The following EML6 variants were observed in gnomAD, a reference collection of about 807,000 sequenced individuals.
EML6 encodes the protein EMAP like 6.
Under a neutral mutation model 240.1 loss-of-function variants are expected in EML6, and 154 were observed. That is an observed-to-expected ratio of 0.64 (90% CI 0.56 to 0.73). The LOEUF (loss-of-function observed/expected upper bound fraction) is 0.73, where lower values mean the gene tolerates loss of function less well. Ranked by LOEUF, EML6 falls within the 30% of genes least tolerant of loss-of-function variation. The probability of loss-of-function intolerance (pLI) is 0.00; values close to 1 mark genes in which losing one functional copy is unlikely to be tolerated. For synonymous variants in EML6, 1,148 were observed against 899.0 expected, an observed-to-expected ratio of 1.28 and a Z score of -4.95; for missense variants, 2,964 against 2,474.6, an observed-to-expected ratio of 1.20 and a Z score of -4.20.
In EML6 at chr2:54,850,155, T is replaced by A; in HGVS notation, c.1381T>A (p.Leu461Met). The A allele has an allele frequency of 6.4e-7, 1 of 1,551,492 alleles. No individual in the cohort carries two copies. Among genetic ancestry groups the A allele is most frequent in the Non-Finnish European group, 8.7e-7 (1 of 1,146,716 alleles). The change falls in exon 10 of 42, where the codon TTG (leucine) becomes ATG (methionine). Residue 461 changes from leucine to methionine, a missense_variant. Leu to Met is a conservative substitution (Grantham distance 15). Coordinates refer to ENST00000356458, the MANE Select transcript of EML6 (RefSeq NM_001039753.4). ...LSFITHIDWS[L>M]DSKYLQTNDG... ...TTTCATCACGCATATTGACTGGTCC[T>A]TGGATAGTAAATACTTACAAACTAA...
intron 2 of EML6, among the ~76,000 whole-genome samples, chr2:54,801,424 G>A (rs527400294): frequency 6.6e-6 from 1 of 152,166 alleles, no homozygotes; most frequent in Admixed American, 6.5e-5. Flanking sequence ...TTGGCCTGAA[G>A]TGATGCTTAC....
intron 28 of EML6, among the ~76,000 whole-genome samples, chr2:54,941,367 C>T (rs1384040150): frequency 6.6e-6 from 1 of 152,094 alleles, no homozygotes; most frequent in Non-Finnish European, 1.5e-5. Flanking sequence ...TTCAAGCTCG[C>T]CTGAGGCATG....
In EML6 at chr2:54,816,794, C is replaced by T. The variant is rs1572944534; in HGVS notation, c.365C>T (p.Ala122Val). 2 of 1,550,342 alleles carry T rather than the reference C, an allele frequency of 1.3e-6. No homozygotes were observed. Among genetic ancestry groups the T allele is most frequent in the Admixed American group, 2.0e-5 (1 of 50,970 alleles). Reference protein sequence around the residue: ...LAFDSDGQRLASVGLDAKNTV... With the variant: ...LAFDSDGQRLVSVGLDAKNTV... The stretch of plus-strand genomic sequence containing the variant: ...TATTGTTCTTATTCTTAGCGTTTAG[C>T]CTCTGTGGGGTTGGATGCCAAAAAC... Residue 122 changes from alanine (A) to valine (V), a missense_variant, in exon 4 of 42, where the codon GCC becomes GTC. Coordinates refer to ENST00000356458, the MANE Select transcript of EML6 (RefSeq NM_001039753.4).
intron 2 of EML6, among the ~76,000 whole-genome samples, chr2:54,788,290 C>G (rs188058214): frequency 7.9e-5 from 12 of 152,132 alleles, no homozygotes; most frequent in African/African-American, 2.4e-4. Context: ...TAAGTAACAC[C>G]GGCTTCTGTT....
At chr2:54,856,516 A>G (rs1040140213) in intron 11 of EML6, among the ~76,000 whole-genome samples, 4 of 152,228 alleles carry the variant, frequency 2.6e-5, no homozygotes, top group Admixed American at 2.6e-4. Context: ...GCCACCTCCC[A>G]TGATGAGTGT....
intron 10 of EML6, 30 bp downstream of exon 10, chr2:54,850,248 T>C (rs1385172966): frequency 1.3e-6 from 2 of 1,540,276 alleles, no homozygotes; most frequent in Admixed American, 4.0e-5. Flanking sequence ...TGGATGTTTC[T>C]GGAAAGCAAA....
chr2:54,930,233 C>T (rs761099000), intron 28 of EML6, among the ~76,000 whole-genome samples: 17 of 152,166 alleles, frequency 1.1e-4, no homozygotes, highest in Non-Finnish European at 2.1e-4. Context: ...TCATGCTAGC[C>T]ACCAAAATAT....
chr2:54,807,901 A>C (rs1230894208), intron 2 of EML6, among the ~76,000 whole-genome samples: 2 of 152,160 alleles, frequency 1.3e-5, no homozygotes, highest in African/African-American at 4.8e-5. Flanking sequence ...CTTTTATACG[A>C]AGGTATTGCT....
At position 54,725,054 on chromosome 2, in the gene EML6, G is replaced by A; in HGVS notation, c.-8G>A. The A allele has an allele frequency of 6.6e-7, 1 of 1,505,128 alleles. No individual in the cohort carries two copies. Among genetic ancestry groups the A allele is most frequent in the Non-Finnish European group, 8.9e-7 (1 of 1,127,774 alleles). 93.2% of individuals were successfully genotyped at this position (1,505,128 alleles called of 1,614,324 possible). ...GGGGGGGCGGGGGGCGCGCGGGGTC[G>A]GCTTATCATGGCGGATCGGACGGCG... On this transcript the variant is annotated 5_prime_UTR_variant, in exon 2 of 42. Transcript: ENST00000356458. The surrounding 1 kb of genome is among the most constrained non-coding windows in gnomAD (Gnocchi z 4.3).
intron 7 of EML6, among the ~76,000 whole-genome samples, chr2:54,841,155 G>A (rs542997317): frequency 8.5e-5 from 13 of 152,382 alleles, no homozygotes; most frequent in Non-Finnish European, 1.6e-4. Flanking sequence ...CTCTGCAGCT[G>A]AGCTGCATGC....
chr2:54,902,934 AGTCACGT>A, intron 22 of EML6, 103 bp from the exon 23 acceptor site: 1 of 939,756 alleles, frequency 1.1e-6, no homozygotes, highest in Non-Finnish European at 1.6e-6. Flanking sequence ...ATTTAAAGGC[AGTCACGT>A]GTCCATACAT....
intron 2 of EML6, among the ~76,000 whole-genome samples, chr2:54,798,948 C>G (rs570961312): frequency 3.3e-5 from 5 of 152,076 alleles, no homozygotes; most frequent in African/African-American, 7.3e-5. Context: ...AATTTCCATT[C>G]TATTCTTAAT....
At chr2:54,891,363 G>C (rs1217082420) in intron 18 of EML6, among the ~76,000 whole-genome samples, 1 of 152,180 alleles carries the variant, frequency 6.6e-6, no homozygotes, top group African/African-American at 2.4e-5. Flanking sequence ...TACCTAGAAA[G>C]CTTTGGAAAA....
At chr2:54,967,352 C>T (rs1341384570) in intron 39 of EML6, 1 of 251,816 alleles carries the variant, frequency 4.0e-6, no homozygotes, top group African/African-American at 2.2e-5. Flanking sequence ...CCAACCCCTT[C>T]CAGCAAGTTC....
rs1277531210 is a variant in EML6 at position 54,899,679 on chromosome 2, C to T, written c.3021C>T (p.His1007=). ...MEGEVWGLAA[H]PLLPICATVS... ...GAGAAGTGTGGGGGTTGGCAGCTCA[C>T]CCTCTCCTGCCCATCTGTGCAACAG... Residue 1007 remains histidine (H), a synonymous_variant, in exon 22 of 42, where the codon CAC becomes CAT. Transcript: ENST00000356458. 3 of 1,553,698 alleles carry T rather than the reference C, an allele frequency of 1.9e-6. No individual in the cohort carries two copies. The highest frequency in any genetic ancestry group is 1.4e-5 in the African/African-American group (1 of 73,120).
intron 28 of EML6, among the ~76,000 whole-genome samples, chr2:54,947,315 C>T (rs774036357): frequency 5.3e-5 from 8 of 152,074 alleles, no homozygotes; most frequent in African/African-American, 9.7e-5. Context: ...CCCAGTCTCC[C>T]GATTTTGCTC....
rs544818252 is a variant in EML6, at chr2:54,731,956, G to A, written c.197+6698G>A. Among the ~76,000 whole-genome samples, 27 of 152,220 alleles carry A rather than the reference G, an allele frequency of 1.8e-4. No homozygotes were observed. The South Asian group carries it at 2.5e-3, about 14-fold the overall frequency. Reference sequence around the variant, plus strand: ...ATGAGAGATCCAATTCCTCCACATCGTCAAGATTTACTACTGTCTGTCTTT... The same window carrying A: ...ATGAGAGATCCAATTCCTCCACATCATCAAGATTTACTACTGTCTGTCTTT... On this transcript the variant is annotated intron_variant, in intron 2 of 41. Transcript: ENST00000356458.
Position 54,971,690 on chromosome 2 carries a change from G to A in EML6, c.*1595G>A, listed in dbSNP as rs978998359. ...TCCCAATTCTGTTTTCTGTAACCAT[G>A]TGACTGGTGATGCAGAGTGATAACC... On this transcript the variant is annotated 3_prime_UTR_variant, in exon 42 of 42. Transcript: ENST00000356458. The A allele has an allele frequency of 2.0e-5, 3 of 152,146 alleles. No homozygotes were observed. Among genetic ancestry groups the A allele is most frequent in the African/African-American group, 7.2e-5 (3 of 41,426 alleles). 9.4% of individuals were successfully genotyped at this position (152,146 alleles called of 1,614,324 possible).
At position 54,895,362 on chromosome 2, in the gene EML6, G is replaced by C. The variant is rs754986431; in HGVS notation, c.2944G>C (p.Glu982Gln). Reference sequence around the variant, plus strand: ...GGGAACAAAAAATGGAGAGATTCTGGAAATTGATAAGAGTGGCCCAATGAC... The same window carrying C: ...GGGAACAAAAAATGGAGAGATTCTGCAAATTGATAAGAGTGGCCCAATGAC... ...LVGTKNGEIL[E>Q]IDKSGPMTLL... Residue 982 changes from glutamate (E) to glutamine (Q), a missense_variant, in exon 21 of 42, where the codon GAA becomes CAA. By Grantham distance (29) the Glu-to-Gln change is conservative. Transcript: ENST00000356458. 2.3e-5 allele frequency: 36 copies of C among 1,551,888 alleles called. No individual in the cohort carries two copies. The highest frequency in any genetic ancestry group is 4.1e-5 in the African/African-American group (3 of 73,028).
Sources: gnomAD v4.1 joint callset for allele counts (sites outside exome capture counted in the v4.1 genomes callset) on GRCh38, gnomAD v4.1.1 for gene constraint, Gnocchi (gnomAD v3.1) non-coding constraint, MANE v1.5 for transcripts, NCBI Gene and HGNC (gene_info 2026-07-23, HGNC 2026-07-21) for gene names.